DEUP1: variants seen among roughly 807,000 people sequenced by gnomAD.
DEUP1 encodes the protein deuterosome assembly protein 1.
A neutral mutation model predicts 87.4 loss-of-function variants in DEUP1; 82 were observed. That is an observed-to-expected ratio of 0.94 (90% confidence interval 0.78 to 1.13). DEUP1 has a LOEUF of 1.13. DEUP1 is among the 50% of genes most tolerant of loss of function. The probability of loss-of-function intolerance (pLI) is 0.00; values close to 1 mark genes in which losing one functional copy is unlikely to be tolerated. For synonymous variants in DEUP1, 214 were observed against 222.7 expected, an observed-to-expected ratio of 0.96 and a Z score of 0.35; for missense variants, 663 against 681.5, an observed-to-expected ratio of 0.97 and a Z score of 0.30.
Position 93,339,827 on chromosome 11 carries a change from C to G in DEUP1, c.29+7539C>G, listed in dbSNP as rs567634378. ...CTACTAGGGGCCTGAACTGTCACCC[C>G]CACCCAGCAGTAATGAGGAGTTCCT... On this transcript the variant is annotated intron_variant, in intron 2 of 13. Transcript: ENST00000298050. Among the ~76,000 whole-genome samples the G allele has an allele frequency of 6.6e-5, 10 of 152,254 alleles. No homozygotes were observed. The South Asian group carries it at 1.9e-3, about 29-fold the overall frequency.
At chr11:93,374,611 G>C (rs1265364187) in intron 7 of DEUP1, among the ~76,000 whole-genome samples, 1 of 151,982 alleles carries the variant, frequency 6.6e-6, no homozygotes, top group East Asian at 1.9e-4. Context: ...TTTATTTCTG[G>C]GTTCTCTATT....
chr11:93,412,930 C>T (rs917578630), intron 12 of DEUP1, among the ~76,000 whole-genome samples: 1 of 151,918 alleles, frequency 6.6e-6, no homozygotes, highest in African/African-American at 2.4e-5. Flanking sequence ...AGATACATCT[C>T]AAGATAAGCA....
intron 11 of DEUP1, among the ~76,000 whole-genome samples, chr11:93,403,825 A>G (rs1947192140): frequency 6.6e-6 from 1 of 151,924 alleles, no homozygotes; most frequent in Admixed American, 6.6e-5. Flanking sequence ...TAATTAGTTA[A>G]TTCTTTCTGA....
At chr11:93,331,912 C>G (rs1303751404) in intron 1 of DEUP1, among the ~76,000 whole-genome samples, 9 of 152,042 alleles carry the variant, frequency 5.9e-5, no homozygotes, top group Admixed American at 5.9e-4. Flanking sequence ...GGCATGGTGG[C>G]GATTGCCTGT....
At chr11:93,435,977 C>A (rs1224822653) in intron 13 of DEUP1, among the ~76,000 whole-genome samples, 6 of 140,486 alleles carry the variant, frequency 4.3e-5, no homozygotes, top group African/African-American at 1.6e-4. Context: ...GTGTGGGCGA[C>A]AGAGTGAGAC....
intron 13 of DEUP1, among the ~76,000 whole-genome samples, chr11:93,432,309 G>T (rs1948128162): frequency 6.6e-6 from 1 of 152,150 alleles, no homozygotes; most frequent in Non-Finnish European, 1.5e-5. Context: ...TCTGAAACAG[G>T]AGGATGGCCT....
chr11:93,356,733 C>T (rs377571877), intron 3 of DEUP1, among the ~76,000 whole-genome samples: 31 of 152,222 alleles, frequency 2.0e-4, no homozygotes, highest in East Asian at 9.6e-4. Context: ...GTTAAACATC[C>T]GTACTGTCCT....
chr11:93,430,222 CATAAA>C (rs1426983919), intron 13 of DEUP1, among the ~76,000 whole-genome samples: 13 of 151,934 alleles, frequency 8.6e-5, no homozygotes, highest in African/African-American at 2.9e-4. Context: ...GTTATTTATT[CATAAA>C]ATAAAATAAA....
intron 5 of DEUP1, among the ~76,000 whole-genome samples, chr11:93,369,370 C>G (rs1039478305): frequency 6.7e-6 from 1 of 149,640 alleles, no homozygotes; most frequent in Non-Finnish European, 1.5e-5. Context: ...TCTAAAAAAA[C>G]AAGAGGAGAA....
intron 5 of DEUP1, among the ~76,000 whole-genome samples, chr11:93,366,587 A>G (rs540174360): frequency 6.6e-6 from 1 of 152,296 alleles, no homozygotes; most frequent in Non-Finnish European, 1.5e-5. Context: ...ACTATTGGAT[A>G]TATTGCGCTG....
At chr11:93,348,426 T>G (rs1944468328) in intron 2 of DEUP1, among the ~76,000 whole-genome samples, 1 of 152,188 alleles carries the variant, frequency 6.6e-6, no homozygotes, top group Non-Finnish European at 1.5e-5. Context: ...AGTTGTGATG[T>G]TAAGTTGTTA....
chr11:93,437,395 A>G (rs1948277965), intron 13 of DEUP1, 148 bp from the exon 14 acceptor site: 2 of 599,426 alleles, frequency 3.3e-6, no homozygotes, highest in Non-Finnish European at 5.9e-6. Context: ...ACTGAATTAC[A>G]CTAGTAGTGG....
intron 13 of DEUP1, among the ~76,000 whole-genome samples, chr11:93,435,721 G>A (rs1423805626): frequency 1.3e-5 from 2 of 152,116 alleles, no homozygotes; most frequent in African/African-American, 2.4e-5. Context: ...TTTTCACCAG[G>A]CATGGTGGCT....
Position 93,408,268 on chromosome 11 carries a change from C to T in DEUP1, c.1364C>T (p.Thr455Ile), listed in dbSNP as rs200474405. ...ACTAACAGGGAACAGTCAAGGCATA[C>T]ATCTATTAATAAACTGCAATATGAG... ...DFTNREQSRH[T>I]SINKLQYENE... The change falls in exon 12 of 14, where the codon ACA becomes ATA. Residue 455 changes from threonine (T) to isoleucine (I), a missense_variant. Coordinates refer to ENST00000298050, the MANE Select transcript of DEUP1 (RefSeq NM_181645.4). 86 of 1,583,974 alleles carry T rather than the reference C, an allele frequency of 5.4e-5. No individual in the cohort carries two copies. In the Middle Eastern group the frequency reaches 8.3e-4, roughly 15 times the overall value.
chr11:93,431,890 A>C (rs1591279850), intron 13 of DEUP1, among the ~76,000 whole-genome samples: 1 of 152,212 alleles, frequency 6.6e-6, no homozygotes, highest in Admixed American at 6.5e-5. Flanking sequence ...TGGGAAGACT[A>C]GGGAAGAAAT....
chr11:93,371,639 G>A (rs1210160875), intron 7 of DEUP1, among the ~76,000 whole-genome samples: 1 of 152,130 alleles, frequency 6.6e-6, no homozygotes, highest in African/African-American at 2.4e-5. Context: ...TAAAGATACA[G>A]GAAATCGTGA....
intron 7 of DEUP1, among the ~76,000 whole-genome samples, chr11:93,382,930 T>G (rs1249053200): frequency 6.6e-6 from 1 of 152,240 alleles, no homozygotes; most frequent in Non-Finnish European, 1.5e-5. Context: ...TGAATCTTTT[T>G]ATATTTATTT....
At chr11:93,382,870 GCTTTATCCAAACAAGT>G (rs1394328091) in intron 7 of DEUP1, among the ~76,000 whole-genome samples, 3 of 152,276 alleles carry the variant, frequency 2.0e-5, no homozygotes, top group East Asian at 1.9e-4. Flanking sequence ...CAAAACGGAG[GCTTTATCCAAACAAGT>G]CTTTATCCAA....
At chr11:93,360,343 T>C (rs1591133327) in intron 4 of DEUP1, among the ~76,000 whole-genome samples, 1 of 152,238 alleles carries the variant, frequency 6.6e-6, no homozygotes, top group East Asian at 1.9e-4. Flanking sequence ...TAAAACACAA[T>C]ATTTGAATAA....
Sources: gnomAD v4.1 joint callset for allele counts (sites outside exome capture counted in the v4.1 genomes callset) on GRCh38, gnomAD v4.1.1 for gene constraint, MANE v1.5 for transcripts, NCBI Gene and HGNC (gene_info 2026-07-23, HGNC 2026-07-21) for gene names.